Variants in FGF14 observed in about 807,000 individuals in gnomAD.
FGF14 encodes the protein fibroblast growth factor homologous factor 4.
FGF14 carries 5 observed loss-of-function variants against 25.5 expected under a neutral mutation model. The observed-to-expected ratio is 0.20, with a 90% CI of 0.10 to 0.41. The LOEUF (loss-of-function observed/expected upper bound fraction) is 0.41, where lower values mean the gene tolerates loss of function less well. FGF14 is among the 10% of genes least tolerant of loss of function. The pLI is 1.00. For synonymous variants in FGF14, 138 were observed against 118.3 expected (o/e 1.17, Z -1.08); for missense variants, 222 against 320.1 (o/e 0.69, Z 2.34).
chr13:101,899,479 TAA>T (rs1440697379), intron 1 of FGF14, among the ~76,000 whole-genome samples: 1 of 151,964 alleles, frequency 6.6e-6, no homozygotes, highest in Non-Finnish European at 1.5e-5. Context: ...ACTGGAAAGG[TAA>T]ATTCAATGGA....
At chr13:101,790,553 C>A (rs2140088130) in intron 3 of FGF14, among the ~76,000 whole-genome samples, 1 of 152,030 alleles carries the variant, frequency 6.6e-6, no homozygotes, top group African/African-American at 2.4e-5. Context: ...TTTTAACTAT[C>A]TATGTGTGTC....
chr13:102,172,390 A>G (rs1372435380), intron 1 of FGF14, among the ~76,000 whole-genome samples: 1 of 152,084 alleles, frequency 6.6e-6, no homozygotes, highest in Non-Finnish European at 1.5e-5. Flanking sequence ...AAGACCAAAA[A>G]GGCAGGACTT....
At position 101,852,649 on chromosome 13, in the gene FGF14, A is replaced by G. The variant is rs193211710; in HGVS notation, c.408+16076T>C. The stretch of plus-strand genomic sequence containing the variant: ...GTCTTTGTCAGGACAGAAAATCAGG[A>G]CTCAGAGATCCACAACAGACCTAAT... On this transcript the variant is annotated intron_variant, in intron 3 of 4. Coordinates refer to ENST00000376143, the MANE Select transcript of FGF14 (RefSeq NM_004115.4). 6.7e-3 allele frequency among the ~76,000 whole-genome samples: 1,022 copies of G among 152,098 alleles called. 11 individuals carry two copies. The highest frequency in any genetic ancestry group is 0.018 in the South Asian group (88 of 4,820).
chr13:102,135,446 A>G (rs1323713563), intron 1 of FGF14, among the ~76,000 whole-genome samples: 1 of 152,210 alleles, frequency 6.6e-6, no homozygotes, highest in Non-Finnish European at 1.5e-5. Flanking sequence ...ATTTACAGGA[A>G]TGCAATTACA....
chr13:102,121,942 C>A (rs1235762030), intron 1 of FGF14, among the ~76,000 whole-genome samples: 1 of 152,142 alleles, frequency 6.6e-6, no homozygotes, highest in Admixed American at 6.5e-5. Context: ...GCTGAAGAAA[C>A]CTTATTCTGG....
intron 3 of FGF14, among the ~76,000 whole-genome samples, chr13:101,782,591 A>G (rs142306352): frequency 2.0e-3 from 305 of 152,264 alleles, no homozygotes; most frequent in Non-Finnish European, 3.5e-3. Context: ...CTGTGTGTCC[A>G]TGAGTTCTCA....
chr13:102,045,309 T>C (rs1225299469), intron 1 of FGF14, among the ~76,000 whole-genome samples: 1 of 151,862 alleles, frequency 6.6e-6, no homozygotes, highest in Non-Finnish European at 1.5e-5. Context: ...TATAAATATA[T>C]GTAAATACAC....
At chr13:101,876,439 C>CA (rs1348111276) in intron 1 of FGF14, among the ~76,000 whole-genome samples, 1 of 152,030 alleles carries the variant, frequency 6.6e-6, no homozygotes, top group Non-Finnish European at 1.5e-5. Context: ...TAGGTGAAGA[C>CA]AAAAAAATTT....
At chr13:101,847,611 T>A (rs1277766233) in intron 3 of FGF14, among the ~76,000 whole-genome samples, 2 of 152,094 alleles carry the variant, frequency 1.3e-5, no homozygotes, top group Non-Finnish European at 2.9e-5. Flanking sequence ...GAAATCAAGT[T>A]TCTGTTGAAG....
intron 1 of FGF14, among the ~76,000 whole-genome samples, chr13:102,196,591 C>G (rs772831474): frequency 1.3e-5 from 2 of 152,058 alleles, no homozygotes; most frequent in Admixed American, 6.5e-5. Flanking sequence ...TTATTTATAG[C>G]ATACAAGGTG....
chr13:102,214,411 A>T (rs1163242379), intron 1 of FGF14, among the ~76,000 whole-genome samples: 1 of 152,226 alleles, frequency 6.6e-6, no homozygotes, highest in African/African-American at 2.4e-5. Flanking sequence ...AAATATATAC[A>T]AATGTATATA....
intron 1 of FGF14, among the ~76,000 whole-genome samples, chr13:101,988,047 T>C (rs1268937252): frequency 6.6e-6 from 1 of 152,036 alleles, no homozygotes; most frequent in African/African-American, 2.4e-5. Flanking sequence ...TGTAAATCTC[T>C]TAGAGACACT....
chr13:101,924,747 T>C lies in FGF14; in HGVS notation c.209-49451A>G, dbSNP rs998542292. Among the ~76,000 whole-genome samples, 4 of 152,180 alleles carry C rather than the reference T, an allele frequency of 2.6e-5. No homozygotes were observed. The South Asian group carries it at 8.3e-4, about 31-fold the overall frequency. On this transcript the variant is annotated intron_variant, in intron 1 of 4. Transcript: ENST00000376131. ...AGAAGAGGCAATTAAGCCCCAGACA[T>C]GTTAAATGATTGCCAAAGTTACACA... is the stretch of plus-strand genomic sequence containing the variant.
intron 1 of FGF14, among the ~76,000 whole-genome samples, chr13:102,228,497 C>T (rs1017606368): frequency 6.6e-6 from 1 of 152,130 alleles, no homozygotes; most frequent in Non-Finnish European, 1.5e-5. Context: ...ATATCCTTTT[C>T]CTTGAGATTG....
intron 1 of FGF14, among the ~76,000 whole-genome samples, chr13:101,947,616 A>G (rs988900543): frequency 1.3e-5 from 2 of 152,228 alleles, no homozygotes; most frequent in Non-Finnish European, 2.9e-5. Context: ...GTCTTCACCT[A>G]TAAGTGGGAG....
intron 1 of FGF14, among the ~76,000 whole-genome samples, chr13:101,913,433 A>G (rs2033156427): frequency 1.3e-5 from 2 of 152,142 alleles, no homozygotes; most frequent in African/African-American, 4.8e-5. Flanking sequence ...GGAGATAGGA[A>G]AGAGTGTGGG....
rs2045651929 is a variant in FGF14, at chr13:101,880,595, C to T, written c.194-5299G>A. 2.6e-5 allele frequency among the ~76,000 whole-genome samples: 4 copies of T among 152,020 alleles called. No homozygotes were observed. In the South Asian group the frequency reaches 8.3e-4, roughly 32 times the overall value. On this transcript the variant is annotated intron_variant, in intron 1 of 4. Coordinates refer to ENST00000376143, the MANE Select transcript of FGF14 (RefSeq NM_004115.4). ...ACAAACTAACAACAACAAAAATAAACAAATGAAAAACCCAAACAGCTCTTG... is the reference window on the plus strand; with the variant it reads ...ACAAACTAACAACAACAAAAATAAATAAATGAAAAACCCAAACAGCTCTTG...
At chr13:102,110,255 T>C (rs2045151904) in intron 1 of FGF14, among the ~76,000 whole-genome samples, 1 of 152,192 alleles carries the variant, frequency 6.6e-6, no homozygotes, top group African/African-American at 2.4e-5. Flanking sequence ...AGTGTTTTTT[T>C]CCCCAAAGCT....
chr13:102,248,888 T>C (rs886810385), intron 1 of FGF14, among the ~76,000 whole-genome samples: 1 of 152,174 alleles, frequency 6.6e-6, no homozygotes, highest in Admixed American at 6.5e-5. Context: ...ACTTGATGTC[T>C]GATTACATAT....
Sources: gnomAD v4.1 joint callset for allele counts (sites outside exome capture counted in the v4.1 genomes callset) on GRCh38, gnomAD v4.1.1 for gene constraint, MANE v1.5 for transcripts, NCBI Gene and HGNC (gene_info 2026-07-23, HGNC 2026-07-21) for gene names.